The following DSCAM variants were observed in gnomAD, a reference collection of about 807,000 sequenced individuals.
DSCAM encodes the protein cell adhesion molecule DSCAM.
In DSCAM, 47 loss-of-function variants were observed where a neutral mutation model predicts 217.7. The observed-to-expected ratio is 0.22, with a 90% confidence interval of 0.17 to 0.28. The LOEUF is 0.28. DSCAM is among the 10% of genes least tolerant of loss of function. The pLI is 1.00. For missense variants in DSCAM, 2,080 were observed against 2,618.3 expected (o/e 0.79, Z 4.49); for synonymous variants, 1,056 against 1,015.3 (o/e 1.04, Z -0.76).
chr21:40,546,847 C>A (rs973246815), intron 3 of DSCAM, among the ~76,000 whole-genome samples: 4 of 152,128 alleles, frequency 2.6e-5, no homozygotes, highest in Non-Finnish European at 2.9e-5. Context: ...TAAGGGAAGT[C>A]ACGTCTTACA....
intron 11 of DSCAM, among the ~76,000 whole-genome samples, chr21:40,245,088 G>C (rs925632064): frequency 6.6e-6 from 1 of 152,180 alleles, no homozygotes; most frequent in Non-Finnish European, 1.5e-5. Context: ...GCCAGCCCAA[G>C]TGTCACAGAA....
intron 3 of DSCAM, among the ~76,000 whole-genome samples, chr21:40,555,315 T>C (rs1435840196): frequency 1.3e-5 from 2 of 152,196 alleles, no homozygotes; most frequent in Non-Finnish European, 2.9e-5. Context: ...CAGGCAGATA[T>C]TTTCCAGATG....
chr21:40,451,313 C>G (rs12481838), intron 3 of DSCAM, among the ~76,000 whole-genome samples: 32,012 of 152,170 alleles, frequency 0.21, 4,213 homozygotes, highest in African/African-American at 0.36. Context: ...CCCCATGGCA[C>G]TTTCTACTGG....
chr21:40,454,758 G>C (rs982672230), intron 3 of DSCAM, among the ~76,000 whole-genome samples: 3 of 152,222 alleles, frequency 2.0e-5, no homozygotes, highest in Admixed American at 6.5e-5. Flanking sequence ...AATATACAGA[G>C]AGGAAACACT....
At chr21:40,186,585 G>C (rs2090897110) in intron 14 of DSCAM, among the ~76,000 whole-genome samples, 2 of 152,184 alleles carry the variant, frequency 1.3e-5, no homozygotes, top group South Asian at 4.1e-4. Context: ...TCTGGGCCGA[G>C]TGGTCCTGGG....
intron 3 of DSCAM, among the ~76,000 whole-genome samples, chr21:40,566,184 G>A (rs2076762989): frequency 6.6e-6 from 1 of 152,016 alleles, no homozygotes; most frequent in African/African-American, 2.4e-5. Flanking sequence ...TTGGGAGACA[G>A]GGCAGAAGCT....
intron 3 of DSCAM, among the ~76,000 whole-genome samples, chr21:40,372,771 C>T (rs1195987032): frequency 3.3e-5 from 5 of 152,282 alleles, no homozygotes; most frequent in Non-Finnish European, 4.4e-5. Flanking sequence ...AGAAAACAGA[C>T]ATATCAAGGC....
chr21:40,080,132 C>T lies in DSCAM; in HGVS notation c.4420+20G>A, dbSNP rs200859600. The T allele has an allele frequency of 5.9e-5, 90 of 1,514,804 alleles. 4 individuals carry two copies. Among genetic ancestry groups the T allele is most frequent in the Non-Finnish European group, 7.4e-5 (82 of 1,115,012 alleles). The allele number at this position is 1,514,804 out of a possible 1,614,324, so 93.8% of individuals were successfully genotyped here. On this transcript the variant is annotated intron_variant, in intron 25 of 32. Transcript: ENST00000400454. ...CGGGAAAAGAAAGGATATTAAGAAG[C>T]GATGAGAAGGCATACCTACCTTTTC... is the stretch of plus-strand genomic sequence containing the variant.
chr21:40,565,412 A>G (rs1157655851), intron 3 of DSCAM, among the ~76,000 whole-genome samples: 1 of 152,172 alleles, frequency 6.6e-6, no homozygotes, highest in Non-Finnish European at 1.5e-5. Context: ...ACAGCTTCTG[A>G]CTGATGCTAA....
At chr21:40,404,562 G>A (rs565534672) in intron 3 of DSCAM, among the ~76,000 whole-genome samples, 1 of 152,316 alleles carries the variant, frequency 6.6e-6, no homozygotes, top group Non-Finnish European at 1.5e-5. Flanking sequence ...CCTCCTGTGT[G>A]TCTCTGAAAA....
rs937017237 is a variant in DSCAM at position 40,842,577 on chromosome 21, C to A, written c.43+4042G>T. On this transcript the variant is annotated intron_variant, in intron 1 of 32. Transcript: ENST00000400454. ...TCACAGGTCTTTCTTTATAAAATGACCTCTCTCTCTCCCTCTCTCAATCAA... is the reference window on the plus strand; with the variant it reads ...TCACAGGTCTTTCTTTATAAAATGAACTCTCTCTCTCCCTCTCTCAATCAA... 4.6e-5 allele frequency among the ~76,000 whole-genome samples: 7 copies of A among 151,920 alleles called. No homozygotes were observed. The East Asian group carries it at 1.4e-3, about 29-fold the overall frequency.
chr21:40,248,101 GC>G (rs1569022138), intron 11 of DSCAM, among the ~76,000 whole-genome samples: 1 of 152,134 alleles, frequency 6.6e-6, no homozygotes. Context: ...TCCCTAGGCT[GC>G]ACACAGCATG....
intron 3 of DSCAM, among the ~76,000 whole-genome samples, chr21:40,498,630 G>GTA (rs373254647): frequency 0.36 from 35,400 of 99,390 alleles, 6,537 homozygotes; most frequent in Middle Eastern, 0.46. Context: ...TATGCACTAT[G>GTA]TATATATATA....
chr21:40,274,958 C>A (rs2073667249), intron 11 of DSCAM, among the ~76,000 whole-genome samples: 1 of 152,078 alleles, frequency 6.6e-6, no homozygotes, highest in Non-Finnish European at 1.5e-5. Context: ...ACTTTTAAAT[C>A]TCATTCTTCT....
At chr21:40,521,596 G>C (rs2076359715) in intron 3 of DSCAM, among the ~76,000 whole-genome samples, 2 of 151,910 alleles carry the variant, frequency 1.3e-5, no homozygotes, top group Non-Finnish European at 2.9e-5. Flanking sequence ...CTGTTGACCT[G>C]TTTGAGTTCC....
chr21:40,137,667 G>A (rs1240745094), intron 18 of DSCAM, among the ~76,000 whole-genome samples: 1 of 150,490 alleles, frequency 6.6e-6, no homozygotes, highest in Non-Finnish European at 1.5e-5. Context: ...GTATTGTTCA[G>A]TTGAGGTCAT....
At chr21:40,601,895 T>A (rs2146262533) in intron 3 of DSCAM, among the ~76,000 whole-genome samples, 1 of 152,238 alleles carries the variant, frequency 6.6e-6, no homozygotes, top group East Asian at 1.9e-4. Flanking sequence ...TTTTTATACA[T>A]TGTTGGATTT....
chr21:40,499,400 G>T (rs1193210261), intron 3 of DSCAM, among the ~76,000 whole-genome samples: 4 of 152,046 alleles, frequency 2.6e-5, no homozygotes. Flanking sequence ...TCAGATTAAA[G>T]CAAACAAAAA....
intron 3 of DSCAM, among the ~76,000 whole-genome samples, chr21:40,556,250 T>C (rs1021376840): frequency 6.6e-6 from 1 of 152,194 alleles, no homozygotes. Flanking sequence ...GTTAAAAATA[T>C]ATGTATAAAT....
Sources: gnomAD v4.1 joint callset for allele counts (sites outside exome capture counted in the v4.1 genomes callset) on GRCh38, gnomAD v4.1.1 for gene constraint, MANE v1.5 for transcripts, NCBI Gene and HGNC (gene_info 2026-07-23, HGNC 2026-07-21) for gene names.